LPIN2: variants seen among roughly 807,000 people sequenced by gnomAD.
LPIN2 encodes the protein phosphatidate phosphatase LPIN2.
A neutral mutation model predicts 111.4 loss-of-function variants in LPIN2; 55 were observed. The ratio of observed to expected loss-of-function variants is 0.49; its 90% CI spans 0.40 to 0.62. LPIN2 has a LOEUF of 0.62. Ranked by LOEUF, LPIN2 falls within the 20% of genes least tolerant of loss-of-function variation. The pLI, the probability that LPIN2 is intolerant of heterozygous loss-of-function variation, is 0.00. For synonymous variants in LPIN2, 425 were observed against 414.0 expected (o/e 1.03, Z -0.32); for missense variants, 992 against 1,112.1 (o/e 0.89, Z 1.54).
chr18:3,006,574 A>T (rs968841639), intron 1 of LPIN2, among the ~76,000 whole-genome samples: 3 of 152,178 alleles, frequency 2.0e-5, no homozygotes, highest in Non-Finnish European at 4.4e-5. Context: ...GCAGCGGCTC[A>T]AGCCTGTAAT....
chr18:2,995,404 C>T (rs2078326191), intron 1 of LPIN2, among the ~76,000 whole-genome samples: 1 of 152,196 alleles, frequency 6.6e-6, no homozygotes, highest in African/African-American at 2.4e-5. Context: ...ACTCTTCAGC[C>T]TATTTGTCCC....
At chr18:2,923,686 T>A in intron 16 of LPIN2, 89 bp downstream of exon 16, 1 of 1,083,130 alleles carries the variant, frequency 9.2e-7, no homozygotes, top group Non-Finnish European at 1.4e-6. Context: ...ACATGACTCA[T>A]GTGGACTGAA....
rs948963083 is a variant in LPIN2, at chr18:2,926,754, G to A, written c.1762C>T (p.Pro588Ser). The A allele has an allele frequency of 6.2e-7, 1 of 1,613,598 alleles. No homozygotes were observed. ...CCGGCCGGCTCCTTGGAGCTGGATG[G>A]CAGGTCACTGGCTGGCGGTGCCTCA... ...KSEAPPASDL[P>S]SSSKEPAGAR... Residue 588 changes from proline (P) to serine (S), a missense_variant, in exon 13 of 20, where the codon CCA (proline) becomes TCA (serine). Pro to Ser is a moderately conservative substitution (Grantham distance 74). Around this residue, in one of 4 missense-constraint regions of LPIN2, gnomAD observed 709 missense variants for 753.2 expected, o/e 0.94. Transcript: ENST00000677752.
chr18:2,933,900 T>C (rs937331115), intron 8 of LPIN2, among the ~76,000 whole-genome samples: 56 of 152,348 alleles, frequency 3.7e-4, no homozygotes, highest in African/African-American at 1.1e-3. Context: ...GCGGGGGCAG[T>C]GCCCCACCAG....
chr18:3,003,566 C>A (rs2078465542), intron 1 of LPIN2, among the ~76,000 whole-genome samples: 1 of 152,196 alleles, frequency 6.6e-6, no homozygotes, highest in South Asian at 2.1e-4. Context: ...GTCTTTACTG[C>A]AGTCTCTGAA....
At position 2,925,089 on chromosome 18, in the gene LPIN2, G is replaced by C; in HGVS notation, c.1938+135C>G. The stretch of plus-strand genomic sequence containing the variant: ...TGGGGGCGGCGGTCGTGGTTCCACT[G>C]TGGATAGGCATTGACACGACCATGC... On this transcript the variant is annotated intron_variant, in intron 14 of 19. Transcript: ENST00000677752. The surrounding 1 kb of genome is among the most constrained non-coding windows in gnomAD (Gnocchi z 4.1). 1 of 1,209,288 alleles carries C rather than the reference G, an allele frequency of 8.3e-7. No homozygotes were observed. The highest frequency in any genetic ancestry group is 2.5e-5 in the East Asian group (1 of 40,808). The allele number at this position is 1,209,288 out of a possible 1,614,324, so 74.9% of individuals were successfully genotyped here.
chr18:3,004,645 C>G (rs1391133016), intron 1 of LPIN2, among the ~76,000 whole-genome samples: 1 of 152,158 alleles, frequency 6.6e-6, no homozygotes, highest in African/African-American at 2.4e-5. Context: ...GAAGAAGGCA[C>G]CATGTTGGAT....
chr18:2,920,895 T>C lies in LPIN2; in HGVS notation c.2443-14A>G, dbSNP rs749926941. 2.2e-5 allele frequency: 35 copies of C among 1,570,358 alleles called. No homozygotes were observed. In the Admixed American group the frequency reaches 2.8e-4, roughly 13 times the overall value. On this transcript the variant is annotated splice_polypyrimidine_tract_variant and intron_variant, in intron 18 of 19. Transcript: ENST00000677752. Reference sequence around the variant, plus strand: ...GGCATAGACATCCTGCAGAAGAAAATAGCAAGCGGGTGATTCCAGGGAGGA... The same window carrying C: ...GGCATAGACATCCTGCAGAAGAAAACAGCAAGCGGGTGATTCCAGGGAGGA...
chr18:2,954,635 G>C, intron 2 of LPIN2, 36 bp from the exon 3 acceptor site: 10 of 1,394,338 alleles, frequency 7.2e-6, no homozygotes, highest in Non-Finnish European at 1.0e-5. Flanking sequence ...AATGTTCAAG[G>C]AGTCTTTCCT....
chr18:2,965,121 T>C (rs1283796857), intron 1 of LPIN2, among the ~76,000 whole-genome samples: 1 of 152,082 alleles, frequency 6.6e-6, no homozygotes, highest in Admixed American at 6.6e-5. Flanking sequence ...GAAGTACTTA[T>C]TGATTACTCA....
chr18:2,946,529 A>G, intron 4 of LPIN2: 2 of 1,556,800 alleles, frequency 1.3e-6, no homozygotes, highest in Non-Finnish European at 8.9e-7. Flanking sequence ...GTAGCACAGC[A>G]AGGCCATTTT....
rs987413298 is a variant in LPIN2 at position 2,918,147 on chromosome 18, C to A, written c.*2146G>T. The A allele has an allele frequency of 7.2e-5, 11 of 152,192 alleles. No homozygotes were observed. The highest frequency in any genetic ancestry group is 2.7e-4 in the African/African-American group (11 of 41,456). 9.4% of individuals were successfully genotyped at this position (152,192 alleles called of 1,614,324 possible). A position where few individuals can be genotyped will look rare whatever the true frequency, so the allele number is the denominator to read the frequency against. ...TACCCACTGGATCAATCTGCAGCAA[C>A]AAAGTCTAGTGCTAGCAGACACAGG... is the stretch of plus-strand genomic sequence containing the variant. On this transcript the variant is annotated 3_prime_UTR_variant, in exon 20 of 20. Coordinates refer to ENST00000677752, the MANE Select transcript of LPIN2 (RefSeq NM_001375808.2).
chr18:2,924,564 G>A lies in LPIN2; in HGVS notation c.1939-18C>T. ...AGTTTTGCCTTTTAAAAAAGCATAAGAATAAAGAAAATCAGCTGAAAACAT... is the reference window on the plus strand; with the variant it reads ...AGTTTTGCCTTTTAAAAAAGCATAAAAATAAAGAAAATCAGCTGAAAACAT... On this transcript the variant is annotated intron_variant, in intron 14 of 19. Coordinates refer to ENST00000677752, the MANE Select transcript of LPIN2 (RefSeq NM_001375808.2). The A allele has an allele frequency of 6.2e-7, 1 of 1,613,512 alleles. No individual in the cohort carries two copies. The highest frequency in any genetic ancestry group is 8.5e-7 in the Non-Finnish European group (1 of 1,179,452).
intron 1 of LPIN2, among the ~76,000 whole-genome samples, chr18:3,004,036 A>G (rs186042190): frequency 1.3e-5 from 2 of 152,234 alleles, no homozygotes; most frequent in Admixed American, 1.3e-4. Context: ...AAGGACTGAA[A>G]TACGCCCTGG....
chr18:2,994,027 CCCAG>C (rs1163102268), intron 1 of LPIN2, among the ~76,000 whole-genome samples: 2 of 152,164 alleles, frequency 1.3e-5, no homozygotes, highest in Non-Finnish European at 2.9e-5. Context: ...TCAATTACTT[CCCAG>C]CCAAAGTAGT....
chr18:2,950,550 C>T (rs1407882375), intron 4 of LPIN2: 4 of 161,706 alleles, frequency 2.5e-5, no homozygotes, highest in South Asian at 1.7e-4. Flanking sequence ...CAACCCCAAG[C>T]GGTGCTGACA....
At chr18:3,008,158 T>G (rs759410756) in intron 1 of LPIN2, among the ~76,000 whole-genome samples, 3 of 152,236 alleles carry the variant, frequency 2.0e-5, no homozygotes, top group African/African-American at 7.2e-5. Flanking sequence ...AACGGATGCT[T>G]AGGCTGGGCA....
chr18:2,964,281 T>TCAAA (rs1353832052), intron 1 of LPIN2, among the ~76,000 whole-genome samples: 40 of 5,358 alleles, frequency 7.5e-3, no homozygotes, highest in African/African-American at 0.028. Context: ...AGACTCCGTC[T>TCAAA]CAAAAAAAAA....
At chr18:2,946,381 A>G in intron 4 of LPIN2, 1 of 1,488,582 alleles carries the variant, frequency 6.7e-7, no homozygotes, top group Non-Finnish European at 9.4e-7. Context: ...TGCTTAAGAA[A>G]TCAGAAAAAT....
Sources: allele counts gnomAD v4.1 joint callset (sites outside exome capture counted in the v4.1 genomes callset), GRCh38; gene constraint gnomAD v4.1.1; regional missense constraint gnomAD v4.1.1; non-coding constraint Gnocchi (gnomAD v3.1); transcripts MANE v1.5; gene names NCBI Gene and HGNC (gene_info 2026-07-23, HGNC 2026-07-21).